Variants in DOCK3 observed in about 807,000 individuals in gnomAD.
The protein encoded by DOCK3 is dedicator of cytokinesis 3.
Under a neutral mutation model 265.6 loss-of-function variants are expected in DOCK3, and 60 were observed. That is an observed-to-expected ratio of 0.23 (90% CI 0.18 to 0.28). DOCK3 has a LOEUF of 0.28. DOCK3 is among the 10% of genes least tolerant of loss of function. DOCK3 has a pLI of 1.00. For synonymous variants in DOCK3, 881 were observed against 938.0 expected (o/e 0.94, Z 1.11); for missense variants, 1,981 against 2,594.3 (o/e 0.76, Z 5.14).
In DOCK3 at chr3:51,160,546, G is replaced by T; in HGVS notation, c.890-9G>T. 6.2e-7 allele frequency: 1 copy of T among 1,600,584 alleles called. No homozygotes were observed. The highest frequency in any genetic ancestry group is 8.5e-7 in the Non-Finnish European group (1 of 1,175,054). On this transcript the variant is annotated splice_polypyrimidine_tract_variant and intron_variant, in intron 11 of 52. Transcript: ENST00000266037. ...CTCAGTCTGACTGGTGTTTTCTGCT[G>T]TGCCCAAGGCCGGATGCTCCTGAAC...
At chr3:50,969,050 A>G (rs1176340068) in intron 5 of DOCK3, among the ~76,000 whole-genome samples, 1 of 152,096 alleles carries the variant, frequency 6.6e-6, no homozygotes, top group African/African-American at 2.4e-5. Context: ...TTCAGTCTCA[A>G]TTATCTGTCT....
intron 3 of DOCK3, among the ~76,000 whole-genome samples, chr3:50,861,537 A>C (rs1201508096): frequency 6.6e-6 from 1 of 151,952 alleles, no homozygotes; most frequent in African/African-American, 2.4e-5. Context: ...GAAATTCTCC[A>C]CTATTGCTGT....
chr3:51,073,590 C>T (rs150557480), intron 6 of DOCK3, among the ~76,000 whole-genome samples: 6 of 152,252 alleles, frequency 3.9e-5, no homozygotes, highest in Admixed American at 3.9e-4. Flanking sequence ...AAATTGTAAA[C>T]CATCATGGAT....
intron 12 of DOCK3, among the ~76,000 whole-genome samples, chr3:51,180,780 T>C (rs2087244481): frequency 1.3e-5 from 2 of 152,226 alleles, no homozygotes; most frequent in Non-Finnish European, 2.9e-5. Context: ...AACTTGTGAT[T>C]AACATGAACC....
intron 5 of DOCK3, among the ~76,000 whole-genome samples, chr3:50,989,470 G>C (rs2108609372): frequency 6.6e-6 from 1 of 152,230 alleles, no homozygotes; most frequent in Admixed American, 6.5e-5. Flanking sequence ...ACACAACCAA[G>C]GAAGCATCTA....
intron 27 of DOCK3, among the ~76,000 whole-genome samples, chr3:51,283,244 G>C (rs2081230300): frequency 1.3e-5 from 2 of 152,176 alleles, no homozygotes; most frequent in Admixed American, 1.3e-4. Context: ...CTCAGGCACA[G>C]ACCCCACCCC....
At position 51,101,116 on chromosome 3, in the gene DOCK3, T is replaced by TC. The variant is rs1270810726; in HGVS notation, c.746+10732_746+10733insC. 6.7e-4 allele frequency among the ~76,000 whole-genome samples: 97 copies of TC among 144,978 alleles called. 2 individuals carry two copies. The highest frequency in any genetic ancestry group is 3.7e-3 in the Admixed American group (54 of 14,692). Reference sequence around the variant, plus strand: ...TACCATGCTCGGCTTAGTCTTTCTTTTTTTTTTTTTTTTTTGAGACGGAGT... The same window carrying TC: ...TACCATGCTCGGCTTAGTCTTTCTTTCTTTTTTTTTTTTTTTGAGACGGAGT... On this transcript the variant is annotated intron_variant, in intron 9 of 52. Transcript: ENST00000266037.
chr3:50,895,289 G>C (rs1350396012), intron 4 of DOCK3, among the ~76,000 whole-genome samples: 2 of 143,306 alleles, frequency 1.4e-5, no homozygotes, highest in South Asian at 2.2e-4. Flanking sequence ...TGTCCATCAC[G>C]TGCAGTTTTG....
chr3:51,283,483 C>T (rs1161838481), intron 27 of DOCK3, among the ~76,000 whole-genome samples: 1 of 152,176 alleles, frequency 6.6e-6, no homozygotes, highest in Non-Finnish European at 1.5e-5. Context: ...CCTCTAGAAG[C>T]AATGCAGAGA....
intron 12 of DOCK3, among the ~76,000 whole-genome samples, chr3:51,167,182 C>G (rs564232925): frequency 6.6e-6 from 1 of 152,078 alleles, no homozygotes; most frequent in Non-Finnish European, 1.5e-5. Flanking sequence ...TGTGGATGTA[C>G]AGTTTTCCCA....
chr3:51,291,454 G>A (rs1223908278), intron 27 of DOCK3, among the ~76,000 whole-genome samples: 2 of 152,160 alleles, frequency 1.3e-5, no homozygotes, highest in African/African-American at 2.4e-5. Flanking sequence ...AGGATCATAA[G>A]AGACTGCTAC....
chr3:50,768,541 C>G (rs2108451104), intron 1 of DOCK3, among the ~76,000 whole-genome samples: 1 of 152,254 alleles, frequency 6.6e-6, no homozygotes, highest in East Asian at 1.9e-4. Flanking sequence ...TAAACGTAAT[C>G]CAGCATATAA....
At chr3:51,319,877 C>CA (rs2083586875) in intron 32 of DOCK3, among the ~76,000 whole-genome samples, 1 of 150,830 alleles carries the variant, frequency 6.6e-6, no homozygotes, top group African/African-American at 2.4e-5. Flanking sequence ...AAAAAACAAA[C>CA]AACAACAACA....
chr3:51,213,994 A>G, intron 13 of DOCK3, 128 bp from the exon 14 acceptor site: 2 of 1,270,356 alleles, frequency 1.6e-6, no homozygotes, highest in Non-Finnish European at 2.2e-6. Flanking sequence ...TACTGTCTGC[A>G]TAAAAGTTTT....
At chr3:50,982,279 G>A (rs917574546) in intron 5 of DOCK3, among the ~76,000 whole-genome samples, 12 of 152,150 alleles carry the variant, frequency 7.9e-5, no homozygotes, top group Non-Finnish European at 2.9e-5. Context: ...GTTATTGATA[G>A]AGAGGTCATA....
intron 1 of DOCK3, among the ~76,000 whole-genome samples, chr3:50,734,752 G>A (rs1178216656): frequency 5.9e-5 from 9 of 151,822 alleles, no homozygotes; most frequent in Non-Finnish European, 1.0e-4. Context: ...ACAGGTGCCC[G>A]CCACCATGTC....
At chr3:50,955,057 C>T (rs747580889) in intron 5 of DOCK3, among the ~76,000 whole-genome samples, 1 of 152,068 alleles carries the variant, frequency 6.6e-6, no homozygotes, top group Non-Finnish European at 1.5e-5. Flanking sequence ...CCAGTTATTT[C>T]AGCACCACTT....
intron 5 of DOCK3, among the ~76,000 whole-genome samples, chr3:50,977,513 C>G (rs927834069): frequency 3.3e-5 from 5 of 152,096 alleles, no homozygotes; most frequent in Non-Finnish European, 7.4e-5. Flanking sequence ...CAAGAGATCC[C>G]CTGTTAGTCT....
intron 1 of DOCK3, among the ~76,000 whole-genome samples, chr3:50,719,047 G>C (rs572344878): frequency 1.4e-4 from 21 of 152,046 alleles, no homozygotes; most frequent in Middle Eastern, 3.4e-3. Flanking sequence ...GCCTCCCAAA[G>C]TGCTGGGATT....
Sources: allele counts gnomAD v4.1 joint callset (sites outside exome capture counted in the v4.1 genomes callset), GRCh38; gene constraint gnomAD v4.1.1; transcripts MANE v1.5; gene names NCBI Gene and HGNC (gene_info 2026-07-23, HGNC 2026-07-21).